The following CNTN5 variants were observed in gnomAD, a reference collection of about 807,000 sequenced individuals.
The protein encoded by CNTN5 is contactin 5.
A neutral mutation model predicts 129.1 loss-of-function variants in CNTN5; 77 were observed. The ratio of observed to expected loss-of-function variants is 0.60; its 90% confidence interval spans 0.50 to 0.72. CNTN5 has a LOEUF of 0.72. Ranked by LOEUF, CNTN5 falls within the 30% of genes least tolerant of loss-of-function variation. The pLI, the probability that CNTN5 is intolerant of heterozygous loss-of-function variation, is 0.00. For missense variants in CNTN5, 1,478 were observed against 1,328.8 expected (o/e 1.11, Z -1.75); for synonymous variants, 509 against 465.6 (o/e 1.09, Z -1.20).
Position 99,658,605 on chromosome 11 carries a change from C to T in CNTN5, c.55+102336C>T, listed in dbSNP as rs1411730728. ...GTAACCAGTGGGCCTAGCGCAGAGG[C>T]TCATGCCTGTAATCCCAGCACTTTG... is the stretch of plus-strand genomic sequence containing the variant. On this transcript the variant is annotated intron_variant, in intron 3 of 24. Transcript: ENST00000524871. Among the ~76,000 whole-genome samples, 6 of 151,784 alleles carry T rather than the reference C, an allele frequency of 4.0e-5. No individual in the cohort carries two copies. In the East Asian group the frequency reaches 1.2e-3, roughly 29 times the overall value.
chr11:99,912,248 A>G (rs1454193989), intron 6 of CNTN5, among the ~76,000 whole-genome samples: 1 of 152,002 alleles, frequency 6.6e-6, no homozygotes, highest in Non-Finnish European at 1.5e-5. Flanking sequence ...GTGTTCATGT[A>G]TTAATAGCTC....
At chr11:99,137,465 C>T (rs945079216) in intron 1 of CNTN5, among the ~76,000 whole-genome samples, 23 of 151,960 alleles carry the variant, frequency 1.5e-4, no homozygotes, top group South Asian at 8.3e-4. Context: ...TTCCATGTCA[C>T]GAAGGTAAGA....
chr11:99,910,122 CA>C (rs57594945), intron 6 of CNTN5, among the ~76,000 whole-genome samples: 8,277 of 152,022 alleles, frequency 0.054, 507 homozygotes, highest in East Asian at 0.27. Context: ...TTTGAAAACT[CA>C]AATCTTTTCT....
chr11:99,310,254 T>G (rs1865052228), intron 1 of CNTN5, among the ~76,000 whole-genome samples: 1 of 152,176 alleles, frequency 6.6e-6, no homozygotes, highest in South Asian at 2.1e-4. Flanking sequence ...ATAGTAATTT[T>G]AAAGAAATTT....
chr11:99,505,233 G>T (rs1329017581), intron 2 of CNTN5, among the ~76,000 whole-genome samples: 1 of 152,046 alleles, frequency 6.6e-6, no homozygotes, highest in East Asian at 1.9e-4. Context: ...CTTTTATATG[G>T]TATCCCAATT....
chr11:99,319,545 A>G (rs538090611), intron 1 of CNTN5, among the ~76,000 whole-genome samples: 33 of 152,302 alleles, frequency 2.2e-4, no homozygotes, highest in Non-Finnish European at 3.8e-4. Context: ...CATAATGTTT[A>G]TGCTCAGAGA....
At chr11:99,848,258 A>G (rs994562157) in intron 6 of CNTN5, among the ~76,000 whole-genome samples, 2 of 152,034 alleles carry the variant, frequency 1.3e-5, no homozygotes, top group Non-Finnish European at 2.9e-5. Context: ...TTTCCTTTAC[A>G]TTGAGATTTT....
intron 1 of CNTN5, among the ~76,000 whole-genome samples, chr11:99,258,839 A>C (rs1302008733): frequency 1.3e-5 from 2 of 151,948 alleles, no homozygotes; most frequent in African/African-American, 4.8e-5. Context: ...TAGGACAGAC[A>C]CTAAGATATA....
chr11:99,624,997 G>GT (rs1196521637), intron 3 of CNTN5, among the ~76,000 whole-genome samples: 1 of 152,170 alleles, frequency 6.6e-6, no homozygotes, highest in Non-Finnish European at 1.5e-5. Flanking sequence ...CTGAGATGCT[G>GT]TTTTGTTTAC....
chr11:99,239,998 T>A (rs1363379669), intron 1 of CNTN5, among the ~76,000 whole-genome samples: 1 of 152,104 alleles, frequency 6.6e-6, no homozygotes, highest in East Asian at 1.9e-4. Context: ...TTTATGTAAT[T>A]CCTAATTGGA....
intron 13 of CNTN5, among the ~76,000 whole-genome samples, chr11:100,139,525 G>A (rs777543841): frequency 2.1e-4 from 32 of 152,152 alleles, no homozygotes; most frequent in African/African-American, 3.6e-4. Flanking sequence ...AGGAGCAGGC[G>A]CAGTAAGCCA....
intron 1 of CNTN5, among the ~76,000 whole-genome samples, chr11:99,080,422 G>A (rs1002259213): frequency 6.6e-6 from 1 of 152,110 alleles, no homozygotes; most frequent in Non-Finnish European, 1.5e-5. Context: ...TCCCACGTTC[G>A]TTCCATTTTC....
intron 3 of CNTN5, among the ~76,000 whole-genome samples, chr11:99,731,416 C>G (rs534565661): frequency 1.3e-5 from 2 of 152,222 alleles, no homozygotes; most frequent in South Asian, 4.1e-4. Flanking sequence ...TTAGTTAACT[C>G]TCTTTGTCAT....
chr11:99,243,624 G>C (rs916025304), intron 1 of CNTN5, among the ~76,000 whole-genome samples: 2 of 151,704 alleles, frequency 1.3e-5, no homozygotes, highest in South Asian at 4.2e-4. Flanking sequence ...AATCTATCTT[G>C]ACTTAATTTT....
chr11:99,074,839 A>G (rs78233260), intron 1 of CNTN5, among the ~76,000 whole-genome samples: 1 of 152,200 alleles, frequency 6.6e-6, no homozygotes, highest in Non-Finnish European at 1.5e-5. Context: ...AAAAAGAAAA[A>G]CATGCATCAC....
intron 13 of CNTN5, among the ~76,000 whole-genome samples, chr11:100,105,332 G>T (rs543647626): frequency 6.6e-6 from 1 of 151,930 alleles, no homozygotes; most frequent in Non-Finnish European, 1.5e-5. Context: ...AGAGATGCAT[G>T]AGCAGAGAGA....
intron 4 of CNTN5, among the ~76,000 whole-genome samples, chr11:99,840,944 A>C (rs1411662196): frequency 6.6e-6 from 1 of 152,136 alleles, no homozygotes; most frequent in Non-Finnish European, 1.5e-5. Context: ...TATATCTATA[A>C]TCTCTTTACA....
At chr11:100,215,629 A>G (rs1349812220) in intron 15 of CNTN5, among the ~76,000 whole-genome samples, 1 of 152,158 alleles carries the variant, frequency 6.6e-6, no homozygotes, top group Non-Finnish European at 1.5e-5. Flanking sequence ...TGCAATGCTT[A>G]GTCACTATAA....
chr11:99,775,540 A>G (rs1274613400), intron 3 of CNTN5, among the ~76,000 whole-genome samples: 5 of 152,002 alleles, frequency 3.3e-5, no homozygotes, highest in Non-Finnish European at 7.4e-5. Context: ...AACAAATGAG[A>G]GAAAGAAAGA....
Sources: allele counts gnomAD v4.1 joint callset (sites outside exome capture counted in the v4.1 genomes callset), GRCh38; gene constraint gnomAD v4.1.1; transcripts MANE v1.5; gene names NCBI Gene and HGNC (gene_info 2026-07-23, HGNC 2026-07-21).